The following FOXP2 variants were observed in gnomAD, a reference collection of about 807,000 sequenced individuals.
The protein encoded by FOXP2 is forkhead box protein P2.
Under a neutral mutation model 115.8 loss-of-function variants are expected in FOXP2, and 12 were observed. The observed-to-expected ratio is 0.10, with a 90% confidence interval of 0.07 to 0.17. The LOEUF (loss-of-function observed/expected upper bound fraction) is 0.17. Ranked by LOEUF, FOXP2 falls within the 10% of genes least tolerant of loss-of-function variation. FOXP2 has a pLI of 1.00. For synonymous variants in FOXP2, 328 were observed against 297.7 expected (o/e 1.10, Z -1.05); for missense variants, 629 against 843.5 (o/e 0.75, Z 3.15).
chr7:114,522,370 C>T (rs1798668015), intron 2 of FOXP2, among the ~76,000 whole-genome samples: 2 of 152,118 alleles, frequency 1.3e-5, no homozygotes, highest in South Asian at 4.1e-4. Flanking sequence ...AACAAAACAG[C>T]AGTGGGATAT....
intron 1 of FOXP2, among the ~76,000 whole-genome samples, chr7:114,166,033 G>A (rs1261984188): frequency 1.3e-5 from 2 of 152,124 alleles, no homozygotes; most frequent in African/African-American, 4.8e-5. Context: ...TCAACAAATA[G>A]TGCTTAAACA....
At chr7:114,348,369 C>T (rs1424536104) in intron 2 of FOXP2, among the ~76,000 whole-genome samples, 1 of 151,872 alleles carries the variant, frequency 6.6e-6, no homozygotes, top group Non-Finnish European at 1.5e-5. Context: ...ATTCATCTTT[C>T]TTTCCTATGC....
chr7:114,541,218 C>T (rs1799645224), intron 3 of FOXP2, among the ~76,000 whole-genome samples: 1 of 151,928 alleles, frequency 6.6e-6, no homozygotes, highest in African/African-American at 2.4e-5. Flanking sequence ...GGGGTCAAGA[C>T]TAAAGAGAAA....
chr7:114,634,618 T>C (rs1272360119), intron 6 of FOXP2, among the ~76,000 whole-genome samples: 1 of 151,982 alleles, frequency 6.6e-6, no homozygotes, highest in Admixed American at 6.6e-5. Context: ...ATGATAGATA[T>C]ATACATAAGT....
At chr7:114,165,200 T>C (rs749577234) in intron 1 of FOXP2, among the ~76,000 whole-genome samples, 1 of 152,150 alleles carries the variant, frequency 6.6e-6, no homozygotes, top group Non-Finnish European at 1.5e-5. Flanking sequence ...AACTGGATGC[T>C]TTTCTGCTAA....
chr7:114,475,545 C>T (rs983041330), intron 2 of FOXP2, among the ~76,000 whole-genome samples: 2 of 151,950 alleles, frequency 1.3e-5, no homozygotes, highest in Admixed American at 6.6e-5. Context: ...GCCCTCTGAA[C>T]ATGACCATAG....
At chr7:114,180,697 C>T (rs1412154758) in intron 1 of FOXP2, among the ~76,000 whole-genome samples, 3 of 151,892 alleles carry the variant, frequency 2.0e-5, no homozygotes, top group Non-Finnish European at 2.9e-5. Flanking sequence ...ATTGGGTCAT[C>T]CTTCACATCT....
chr7:114,274,778 A>T (rs1393763912), intron 1 of FOXP2, among the ~76,000 whole-genome samples: 1 of 150,562 alleles, frequency 6.6e-6, no homozygotes, highest in African/African-American at 2.4e-5. Context: ...ACCATGCCCG[A>T]CTAGTTTTTT....
At chr7:114,169,352 C>G (rs1483936065) in intron 1 of FOXP2, among the ~76,000 whole-genome samples, 3 of 152,226 alleles carry the variant, frequency 2.0e-5, no homozygotes, top group African/African-American at 7.2e-5. Context: ...CTTGCATCAG[C>G]ATGACCTGGA....
rs188059479 is a variant in FOXP2 at position 114,663,352 on chromosome 7, T to C, written c.1770-98T>C. ...ATATACATCCAGTATGGACTATTAG[T>C]GTGAGACAAGCCAGAACATACCTTT... On this transcript the variant is annotated intron_variant, in intron 14 of 16. Transcript: ENST00000350908. The C allele has an allele frequency of 8.5e-4, 730 of 859,870 alleles. 10 individuals are homozygous for C. The East Asian group carries it at 0.018, about 22-fold the overall frequency. The allele number at this position is 859,870 out of a possible 1,614,324, so 53.3% of individuals were successfully genotyped here. A position where few individuals can be genotyped will look rare whatever the true frequency, so the allele number is the denominator to read the frequency against.
chr7:114,444,636 T>G (rs561062269), intron 2 of FOXP2, among the ~76,000 whole-genome samples: 2 of 149,812 alleles, frequency 1.3e-5, no homozygotes, highest in African/African-American at 4.8e-5. Context: ...TGCATTAAAT[T>G]ATACTAACAG....
At chr7:114,587,585 G>A (rs1265012446) in intron 3 of FOXP2, among the ~76,000 whole-genome samples, 1 of 151,730 alleles carries the variant, frequency 6.6e-6, no homozygotes, top group East Asian at 1.9e-4. Flanking sequence ...TTCATTATTC[G>A]TATTAAGTTT....
chr7:114,087,106 T>TAG (rs1799436024), upstream of FOXP2, among the ~76,000 whole-genome samples: 1 of 152,180 alleles, frequency 6.6e-6, no homozygotes, highest in African/African-American at 2.4e-5. Context: ...ATCTGGCGGT[T>TAG]AGAAGCACAC....
At chr7:114,435,712 T>A (rs1264111969) in intron 2 of FOXP2, among the ~76,000 whole-genome samples, 1 of 152,154 alleles carries the variant, frequency 6.6e-6, no homozygotes, top group African/African-American at 2.4e-5. Context: ...TAATTTTTTG[T>A]ATCTTTAGTA....
intron 2 of FOXP2, among the ~76,000 whole-genome samples, chr7:114,460,890 A>G (rs1795530699): frequency 6.6e-6 from 1 of 152,142 alleles, no homozygotes; most frequent in Admixed American, 6.5e-5. Context: ...CTTGGGGATT[A>G]CTTTTTACCT....
At chr7:114,601,962 T>C (rs1237298199) in intron 3 of FOXP2, among the ~76,000 whole-genome samples, 1 of 152,094 alleles carries the variant, frequency 6.6e-6, no homozygotes, top group East Asian at 1.9e-4. Flanking sequence ...TGTAAAGATC[T>C]ATATATGCAT....
intron 3 of FOXP2, among the ~76,000 whole-genome samples, chr7:114,601,078 C>G (rs1803000037): frequency 6.6e-6 from 1 of 151,928 alleles, no homozygotes; most frequent in Non-Finnish European, 1.5e-5. Flanking sequence ...ATTCTAGTGC[C>G]TTAGTCTCCC....
chr7:114,502,916 T>C (rs1014018427), intron 2 of FOXP2, among the ~76,000 whole-genome samples: 4 of 152,050 alleles, frequency 2.6e-5, no homozygotes, highest in African/African-American at 9.6e-5. Flanking sequence ...CGCATAATTG[T>C]CTACAGGCAC....
intron 2 of FOXP2, among the ~76,000 whole-genome samples, chr7:114,360,839 G>A (rs1010554828): frequency 1.1e-4 from 17 of 152,138 alleles, no homozygotes; most frequent in South Asian, 4.1e-4. Flanking sequence ...AAGATGAGCC[G>A]AATAGCATGT....
Sources: gnomAD v4.1 joint callset for allele counts (sites outside exome capture counted in the v4.1 genomes callset) on GRCh38, gnomAD v4.1.1 for gene constraint, MANE v1.5 for transcripts, NCBI Gene and HGNC (gene_info 2026-07-23, HGNC 2026-07-21) for gene names.